GAB1: variants seen among roughly 807,000 people sequenced by gnomAD.
GAB1 encodes GRB2 associated binding protein 1.
In GAB1, 19 loss-of-function variants were observed where a neutral mutation model predicts 66.5. The ratio of observed to expected loss-of-function variants is 0.29; its 90% CI spans 0.20 to 0.42. The LOEUF (loss-of-function observed/expected upper bound fraction) is 0.42, where lower values mean the gene tolerates loss of function less well. Ranked by LOEUF, GAB1 falls within the 10% of genes least tolerant of loss-of-function variation. The pLI is 1.00. For missense variants in GAB1, 732 were observed against 858.5 expected (o/e 0.85, Z 1.84); for synonymous variants, 294 against 301.4 (o/e 0.98, Z 0.25).
In GAB1 at chr4:143,469,347, G is replaced by C. The variant is rs148881738; in HGVS notation, c.*158G>C. ...ACATAATCAAGCAATTTAGACTTAA[G>C]TGGTGCTTTGTGGTATCTGAACAAT... On this transcript the variant is annotated 3_prime_UTR_variant, in exon 10 of 10. Coordinates refer to ENST00000262994, the MANE Select transcript of GAB1 (RefSeq NM_002039.4). The C allele has an allele frequency of 1.6e-6, 1 of 639,870 alleles. No homozygotes were observed. Among genetic ancestry groups the C allele is most frequent in the Non-Finnish European group, 2.7e-6 (1 of 376,138 alleles). 39.6% of individuals were successfully genotyped at this position (639,870 alleles called of 1,614,324 possible).
At chr4:143,387,767 A>G (rs754620008) in intron 1 of GAB1, among the ~76,000 whole-genome samples, 7 of 152,042 alleles carry the variant, frequency 4.6e-5, no homozygotes, top group South Asian at 2.1e-4. Flanking sequence ...AAGAACTTCC[A>G]AGGAGTCCCT....
At chr4:143,367,985 A>G (rs1729960060) in intron 1 of GAB1, among the ~76,000 whole-genome samples, 1 of 152,036 alleles carries the variant, frequency 6.6e-6, no homozygotes, top group African/African-American at 2.4e-5. Context: ...TCAGCCTCCC[A>G]AAGTGCTAGG....
intron 1 of GAB1, among the ~76,000 whole-genome samples, chr4:143,369,200 C>T (rs1013464374): frequency 1.3e-5 from 2 of 152,110 alleles, no homozygotes; most frequent in Non-Finnish European, 2.9e-5. Flanking sequence ...CTTGGCCTCC[C>T]GGAGTGCTGG....
In GAB1 at chr4:143,466,145, A is replaced by G. The variant is rs765263787; in HGVS notation, c.1846A>G (p.Met616Val). 16 of 1,613,694 alleles carry G rather than the reference A, an allele frequency of 9.9e-6. No homozygotes were observed. In the East Asian group the frequency reaches 2.5e-4, roughly 25 times the overall value. ...SNSLDGGSSPMIKPKGDKQVE... is the reference protein window; with the variant it reads ...SNSLDGGSSPVIKPKGDKQVE... ...CAGTCTTGATGGAGGAAGCAGCCCT[A>G]TGATCAAGCCCAAAGGAGACAAACA... Residue 616 changes from methionine to valine, a missense_variant, in exon 9 of 10, where the codon ATG becomes GTG. Around this residue, in one of 4 missense-constraint regions of GAB1, gnomAD observed 204 missense variants for 276.8 expected, o/e 0.74. Coordinates refer to ENST00000262994, the MANE Select transcript of GAB1 (RefSeq NM_002039.4).
At chr4:143,448,088 A>G (rs1343141481) in intron 6 of GAB1, among the ~76,000 whole-genome samples, 2 of 151,950 alleles carry the variant, frequency 1.3e-5, no homozygotes, top group East Asian at 3.8e-4. Flanking sequence ...ATGCTGGATT[A>G]CATTTATTGA....
intron 1 of GAB1, among the ~76,000 whole-genome samples, chr4:143,386,621 C>T (rs1578636007): frequency 1.3e-5 from 2 of 152,266 alleles, no homozygotes; most frequent in East Asian, 3.9e-4. Context: ...CTTCTGGGCT[C>T]AAGCAATCCA....
rs1327595150 is a variant in GAB1, at chr4:143,471,448, A to G, written c.*2259A>G. Reference sequence around the variant, plus strand: ...CTAGAATCTTTTTAGATGAAATTTTATGTATAACCCCAATACATAAAGCCT... The same window carrying G: ...CTAGAATCTTTTTAGATGAAATTTTGTGTATAACCCCAATACATAAAGCCT... On this transcript the variant is annotated 3_prime_UTR_variant, in exon 10 of 10. Coordinates refer to ENST00000262994, the MANE Select transcript of GAB1 (RefSeq NM_002039.4). 2 of 152,214 alleles carry G rather than the reference A, an allele frequency of 1.3e-5. No individual in the cohort carries two copies. The highest frequency in any genetic ancestry group is 4.8e-5 in the African/African-American group (2 of 41,472). 9.4% of individuals were successfully genotyped at this position (152,214 alleles called of 1,614,324 possible).
At chr4:143,380,626 GC>G (rs1730619161) in intron 1 of GAB1, 1 of 152,108 alleles carries the variant, frequency 6.6e-6, no homozygotes, top group Non-Finnish European at 1.5e-5. Flanking sequence ...TCACTGTGTT[GC>G]CCAGATTGGT....
intron 6 of GAB1, among the ~76,000 whole-genome samples, chr4:143,448,785 T>C (rs1578734628): frequency 2.0e-5 from 3 of 151,734 alleles, no homozygotes; most frequent in East Asian, 3.9e-4. Flanking sequence ...GTGTCTCTAT[T>C]TCCTTCAGTT....
intron 1 of GAB1, among the ~76,000 whole-genome samples, chr4:143,354,414 A>G (rs1302459697): frequency 2.0e-5 from 3 of 152,180 alleles, no homozygotes; most frequent in Non-Finnish European, 4.4e-5. Flanking sequence ...AGAGAGAAGC[A>G]TAACATTAAA....
At chr4:143,391,270 A>G (rs1279375846) in intron 1 of GAB1, among the ~76,000 whole-genome samples, 1 of 152,234 alleles carries the variant, frequency 6.6e-6, no homozygotes, top group Admixed American at 6.5e-5. Context: ...CATAGCACAT[A>G]TCTCCCATAA....
chr4:143,441,087 A>AT (rs201950585), intron 6 of GAB1, among the ~76,000 whole-genome samples: 1,604 of 151,538 alleles, frequency 0.011, 12 homozygotes, highest in African/African-American at 0.021. Flanking sequence ...CTAGTCTGTC[A>AT]TTTTTTTTTC....
intron 9 of GAB1, among the ~76,000 whole-genome samples, chr4:143,467,425 C>T (rs1735851160): frequency 6.6e-6 from 1 of 152,078 alleles, no homozygotes; most frequent in African/African-American, 2.4e-5. Context: ...TTTATCAATT[C>T]TGGGAAAGTC....
chr4:143,392,925 T>C (rs1731252173), intron 1 of GAB1, among the ~76,000 whole-genome samples: 1 of 152,194 alleles, frequency 6.6e-6, no homozygotes, highest in African/African-American at 2.4e-5. Flanking sequence ...AGATTTTTAC[T>C]TTCTATTAGT....
chr4:143,436,998 C>T (rs1733972651), intron 3 of GAB1, among the ~76,000 whole-genome samples: 1 of 152,038 alleles, frequency 6.6e-6, no homozygotes, highest in Non-Finnish European at 1.5e-5. Flanking sequence ...AGGAAATAAT[C>T]AGCAAGGGAG....
intron 6 of GAB1, among the ~76,000 whole-genome samples, chr4:143,454,112 A>G (rs1735061848): frequency 6.6e-6 from 1 of 152,238 alleles, no homozygotes; most frequent in African/African-American, 2.4e-5. Context: ...CATGAGAAAT[A>G]GAGAACAGAA....
At chr4:143,425,381 A>G (rs2149734087) in intron 2 of GAB1, 1 of 760,022 alleles carries the variant, frequency 1.3e-6, no homozygotes, top group Non-Finnish European at 2.4e-6. Context: ...TCAGATGCAG[A>G]CAGCCTTCTG....
intron 8 of GAB1, 64 bp from the exon 9 acceptor site, chr4:143,466,039 C>T: frequency 1.9e-6 from 3 of 1,575,518 alleles, no homozygotes; most frequent in Non-Finnish European, 2.6e-6. Flanking sequence ...CGTAGATGTT[C>T]AACAGTACGA....
Position 143,471,878 on chromosome 4 carries a change from A to T in GAB1, c.*2689A>T, listed in dbSNP as rs1736096753. 1 of 152,182 alleles carries T rather than the reference A, an allele frequency of 6.6e-6. No homozygotes were observed. The highest frequency in any genetic ancestry group is 1.5e-5 in the Non-Finnish European group (1 of 68,022). The allele number at this position is 152,182 out of a possible 1,614,324, so 9.4% of individuals were successfully genotyped here. On this transcript the variant is annotated 3_prime_UTR_variant, in exon 10 of 10. Transcript: ENST00000262994. ...TTATTAGGTTTTAAAATATGCACGTATAAAAACTAAATTTGAATCAAACCC... is the reference window on the plus strand; with the variant it reads ...TTATTAGGTTTTAAAATATGCACGTTTAAAAACTAAATTTGAATCAAACCC...
Sources: gnomAD v4.1 joint callset for allele counts (sites outside exome capture counted in the v4.1 genomes callset) on GRCh38, gnomAD v4.1.1 for gene constraint, gnomAD v4.1.1 regional missense constraint, MANE v1.5 for transcripts, NCBI Gene and HGNC (gene_info 2026-07-23, HGNC 2026-07-21) for gene names.